CFAP20DC: variants seen among roughly 807,000 people sequenced by gnomAD.
The protein encoded by CFAP20DC is protein CFAP20DC.
A neutral mutation model predicts 101.7 loss-of-function variants in CFAP20DC; 84 were observed. The ratio of observed to expected loss-of-function variants is 0.83; its 90% CI spans 0.69 to 0.99. The LOEUF (loss-of-function observed/expected upper bound fraction) is 0.99, where lower values mean the gene tolerates loss of function less well. Ranked by LOEUF, CFAP20DC falls within the 50% of genes least tolerant of loss-of-function variation. The pLI is 0.00. For synonymous variants in CFAP20DC, 359 were observed against 351.2 expected, an observed-to-expected ratio of 1.02 and a Z score of -0.25; for missense variants, 1,007 against 970.3, an observed-to-expected ratio of 1.04 and a Z score of -0.50.
At chr3:58,854,957 A>G (rs2078629317) in intron 12 of CFAP20DC, among the ~76,000 whole-genome samples, 1 of 145,902 alleles carries the variant, frequency 6.9e-6, no homozygotes, top group Non-Finnish European at 1.5e-5. Flanking sequence ...CACCAAAAGC[A>G]ATGGCAACAA....
At chr3:58,915,734 A>G (rs982053349) in intron 5 of CFAP20DC, among the ~76,000 whole-genome samples, 1 of 152,172 alleles carries the variant, frequency 6.6e-6, no homozygotes, top group East Asian at 1.9e-4. Flanking sequence ...TTATGGTATT[A>G]TATGCAAATA....
At chr3:59,030,465 G>A (rs2093969523) in intron 4 of CFAP20DC, among the ~76,000 whole-genome samples, 1 of 152,168 alleles carries the variant, frequency 6.6e-6, no homozygotes, top group South Asian at 2.1e-4. Flanking sequence ...CCAAGGTCAG[G>A]AGAGAGAATG....
At chr3:58,890,368 TC>T (rs1263555695) in intron 6 of CFAP20DC, among the ~76,000 whole-genome samples, 3 of 127,658 alleles carry the variant, frequency 2.4e-5, no homozygotes, top group African/African-American at 9.3e-5. Flanking sequence ...GCTCCTCACT[TC>T]CCAGTAGGGG....
intron 4 of CFAP20DC, among the ~76,000 whole-genome samples, chr3:59,013,132 A>G (rs1186508307): frequency 1.6e-4 from 24 of 152,192 alleles, no homozygotes; most frequent in Admixed American, 1.6e-3. Context: ...AGTCCCAGCC[A>G]TAGAATTCCA....
intron 5 of CFAP20DC, among the ~76,000 whole-genome samples, chr3:58,921,676 G>T (rs1185495827): frequency 6.6e-6 from 1 of 152,076 alleles, no homozygotes; most frequent in Admixed American, 6.5e-5. Flanking sequence ...TGTCCAATGT[G>T]CACTTGAAAA....
chr3:58,780,050 A>G (rs1349967905), intron 15 of CFAP20DC, among the ~76,000 whole-genome samples: 2 of 152,166 alleles, frequency 1.3e-5, no homozygotes, highest in Non-Finnish European at 2.9e-5. Flanking sequence ...AGAGAATGGG[A>G]TGATATATTC....
At chr3:58,926,646 T>C (rs960116611) in intron 5 of CFAP20DC, among the ~76,000 whole-genome samples, 1 of 152,168 alleles carries the variant, frequency 6.6e-6, no homozygotes, top group African/African-American at 2.4e-5. Flanking sequence ...ATTGGCTCTA[T>C]GGGAAAAATG....
chr3:58,911,953 C>A (rs2084201961), intron 6 of CFAP20DC, among the ~76,000 whole-genome samples: 1 of 152,078 alleles, frequency 6.6e-6, no homozygotes, highest in African/African-American at 2.4e-5. Context: ...TGTAAAGCTG[C>A]AAATTCTTGA....
At chr3:58,866,865 T>G (rs1396225435) in intron 10 of CFAP20DC, among the ~76,000 whole-genome samples, 177 bp from the exon 11 acceptor site, 1 of 152,194 alleles carries the variant, frequency 6.6e-6, no homozygotes, top group Non-Finnish European at 1.5e-5. Flanking sequence ...AAGCTGCATT[T>G]TTATAGAGGT....
At chr3:58,726,765 T>C (rs1487822959) in intron 3 of CFAP20DC, 10 of 183,746 alleles carry the variant, frequency 5.4e-5, no homozygotes, top group South Asian at 2.3e-4. Flanking sequence ...AACAACCCAA[T>C]ACTTCCACTG....
chr3:58,816,168 T>A (rs1395458413), intron 14 of CFAP20DC, among the ~76,000 whole-genome samples: 1 of 151,936 alleles, frequency 6.6e-6, no homozygotes, highest in Non-Finnish European at 1.5e-5. Context: ...CACCATGGAA[T>A]ACTATGCAGC....
At chr3:58,924,084 T>C (rs886739242) in intron 5 of CFAP20DC, among the ~76,000 whole-genome samples, 1 of 152,168 alleles carries the variant, frequency 6.6e-6, no homozygotes, top group East Asian at 1.9e-4. Context: ...ATGCAAAAAA[T>C]TTTTTAAAAT....
intron 5 of CFAP20DC, among the ~76,000 whole-genome samples, chr3:58,936,690 C>T (rs543298774): frequency 3.9e-5 from 6 of 152,094 alleles, no homozygotes; most frequent in African/African-American, 9.7e-5. Flanking sequence ...AACCAAACAC[C>T]GCATGTTCTC....
intron 6 of CFAP20DC, among the ~76,000 whole-genome samples, chr3:58,898,229 C>T (rs2082836103): frequency 6.6e-6 from 1 of 151,190 alleles, no homozygotes; most frequent in Non-Finnish European, 1.5e-5. Flanking sequence ...GGCTACAGTG[C>T]AGTGGTGTGA....
intron 4 of CFAP20DC, among the ~76,000 whole-genome samples, chr3:58,941,394 A>G (rs1169946176): frequency 6.7e-6 from 1 of 149,972 alleles, no homozygotes; most frequent in African/African-American, 2.4e-5. Context: ...TCTAGTATAT[A>G]GACATTCAAT....
chr3:58,810,767 C>T lies in CFAP20DC; in HGVS notation c.2176-4311G>A, dbSNP rs536074648. 3.4e-4 allele frequency among the ~76,000 whole-genome samples: 51 copies of T among 151,190 alleles called. No individual in the cohort carries two copies. The East Asian group carries it at 3.5e-3, about 10-fold the overall frequency. On this transcript the variant is annotated intron_variant, in intron 14 of 16. Coordinates refer to ENST00000482387, the MANE Select transcript of CFAP20DC (RefSeq NM_001394063.1). Reference sequence around the variant, plus strand: ...TAGGAAAAGAGGAAGTCAAATTGTCCCTGTTTGCAGATGACATGATTGTAT... The same window carrying T: ...TAGGAAAAGAGGAAGTCAAATTGTCTCTGTTTGCAGATGACATGATTGTAT...
Position 58,729,601 on chromosome 3 carries a change from T to C in CFAP20DC, c.198-11973A>G, listed in dbSNP as rs990773942. Among the ~76,000 whole-genome samples the C allele has an allele frequency of 6.6e-6, 1 of 152,204 alleles. No homozygotes were observed. The highest frequency in any genetic ancestry group is 1.5e-5 in the Non-Finnish European group (1 of 68,044). On this transcript the variant is annotated intron_variant, in intron 3 of 3. Coordinates refer to the CFAP20DC transcript ENST00000486145. The surrounding 1 kb of genome is among the most constrained non-coding windows in gnomAD (Gnocchi z 4.4). ...TAATGTCATCTGCAAATAATGACAG[T>C]GTTGTGTCTTTCTAATTCATATGGC...
chr3:58,931,080 T>C (rs1235821595), intron 5 of CFAP20DC, among the ~76,000 whole-genome samples: 2 of 152,148 alleles, frequency 1.3e-5, no homozygotes, highest in African/African-American at 4.8e-5. Flanking sequence ...TACTGCGCTT[T>C]TCCGATGGGG....
intron 4 of CFAP20DC, among the ~76,000 whole-genome samples, chr3:58,958,583 T>A (rs892496597): frequency 1.3e-5 from 2 of 152,188 alleles, no homozygotes; most frequent in Non-Finnish European, 2.9e-5. Flanking sequence ...ATCAGCAAAG[T>A]ATGAGAGTTT....
Sources: allele counts gnomAD v4.1 joint callset (sites outside exome capture counted in the v4.1 genomes callset), GRCh38; gene constraint gnomAD v4.1.1; non-coding constraint Gnocchi (gnomAD v3.1); transcripts MANE v1.5; gene names NCBI Gene and HGNC (gene_info 2026-07-23, HGNC 2026-07-21).